ZNRF3: variants seen among roughly 807,000 people sequenced by gnomAD.
ZNRF3 encodes E3 ubiquitin-protein ligase ZNRF3.
ZNRF3 carries 23 observed loss-of-function variants against 72.5 expected under a neutral mutation model. That is an observed-to-expected ratio of 0.32 (90% CI 0.23 to 0.45). The LOEUF (loss-of-function observed/expected upper bound fraction) is 0.45. ZNRF3 is among the 20% of genes least tolerant of loss of function. The pLI is 1.00. For missense variants in ZNRF3, 1,169 were observed against 1,272.1 expected, an observed-to-expected ratio of 0.92 and a Z score of 1.23; for synonymous variants, 610 against 545.3, an observed-to-expected ratio of 1.12 and a Z score of -1.65.
chr22:28,952,495 G>GT (rs11401088), intron 1 of ZNRF3, among the ~76,000 whole-genome samples: 114,926 of 141,848 alleles, frequency 0.81, 47,886 homozygotes, highest in East Asian at 0.94. Flanking sequence ...TCATTTCCAT[G>GT]TTTTTTTTTT....
intron 2 of ZNRF3, among the ~76,000 whole-genome samples, chr22:29,010,164 C>T (rs936180431): frequency 2.0e-5 from 3 of 152,056 alleles, no homozygotes; most frequent in Admixed American, 6.6e-5. Context: ...CCGCCTCGGC[C>T]GCCCAAAGTG....
chr22:28,923,779 G>C (rs2034547961), intron 1 of ZNRF3, among the ~76,000 whole-genome samples: 2 of 152,224 alleles, frequency 1.3e-5, no homozygotes, highest in Admixed American at 1.3e-4. Flanking sequence ...CAAATGTTAA[G>C]CTAGTGATGT....
At position 29,022,125 on chromosome 22, in the gene ZNRF3, C is replaced by T. The variant is rs181810667; in HGVS notation, c.427-20370C>T. Among the ~76,000 whole-genome samples, 266 of 152,304 alleles carry T rather than the reference C, an allele frequency of 1.7e-3. 2 individuals are homozygous for T. Among genetic ancestry groups the T allele is most frequent in the Admixed American group, 0.017 (261 of 15,298 alleles). On this transcript the variant is annotated intron_variant, in intron 2 of 8. Transcript: ENST00000544604. ...CAGTATATACTGCTTATTCTGGCCT[C>T]TTTGACGCAGCATAATTATTTTGAG...
chr22:28,964,487 G>A (rs963035628), intron 1 of ZNRF3, among the ~76,000 whole-genome samples: 1 of 152,212 alleles, frequency 6.6e-6, no homozygotes, highest in Non-Finnish European at 1.5e-5. Context: ...CAACATCCTC[G>A]AGTGTATCCA....
chr22:28,916,087 G>T (rs576037649), intron 1 of ZNRF3, among the ~76,000 whole-genome samples: 10 of 151,982 alleles, frequency 6.6e-5, no homozygotes, highest in African/African-American at 2.4e-4. Flanking sequence ...TTTGAGATGG[G>T]GTCTTGCTCT....
chr22:28,944,958 TA>T lies in ZNRF3; in HGVS notation c.301-42115del, dbSNP rs143101968. Among the ~76,000 whole-genome samples the T allele has an allele frequency of 1.6e-4, 21 of 128,092 alleles. 1 individual carries two copies. Among genetic ancestry groups the T allele is most frequent in the Admixed American group, 4.1e-4 (5 of 12,268 alleles). 84.0% of individuals were successfully genotyped at this position (128,092 alleles called of 152,430 possible). On this transcript the variant is annotated intron_variant, in intron 1 of 8. Coordinates refer to ENST00000544604, the MANE Select transcript of ZNRF3 (RefSeq NM_001206998.2). Reference sequence around the variant, plus strand: ...ATAAATAAATAAATAAATAAATAAATAAATAATAATAATACTCATACTCCTT... The same window carrying T: ...ATAAATAAATAAATAAATAAATAAATAATAATAATAATACTCATACTCCTT...
chr22:28,983,273 G>A (rs746051709), intron 1 of ZNRF3, among the ~76,000 whole-genome samples: 12 of 151,906 alleles, frequency 7.9e-5, no homozygotes, highest in South Asian at 4.2e-4. Flanking sequence ...CTTAGGAGGG[G>A]AGAGAGCCTG....
intron 2 of ZNRF3, among the ~76,000 whole-genome samples, chr22:29,037,162 G>A (rs1256778768): frequency 1.3e-5 from 2 of 152,184 alleles, no homozygotes; most frequent in Non-Finnish European, 2.9e-5. Flanking sequence ...CAGAGGAACA[G>A]GTAAACAGGT....
Position 29,043,379 on chromosome 22 carries a change from C to T in ZNRF3, c.582C>T (p.Ile194=), listed in dbSNP as rs759984908. Residue 194 remains isoleucine (I), a synonymous_variant, in exon 4 of 9, where the codon ATC becomes ATT. Coordinates refer to ENST00000544604, the MANE Select transcript of ZNRF3 (RefSeq NM_001206998.2). The stretch of plus-strand genomic sequence containing the variant: ...CAGATGCCATTAAGCTGATGAACAT[C>T]GTCAACAAGCAGAAAGTGGCTCGAG... ...KGADAIKLMN[I]VNKQKVARAR... 23 of 1,613,814 alleles carry T rather than the reference C, an allele frequency of 1.4e-5. 1 individual carries two copies. The highest frequency in any genetic ancestry group is 1.3e-5 in the African/African-American group (1 of 74,860).
At chr22:28,981,187 C>T (rs537364701) in intron 1 of ZNRF3, among the ~76,000 whole-genome samples, 38 of 152,274 alleles carry the variant, frequency 2.5e-4, no homozygotes, top group Admixed American at 1.7e-3. Flanking sequence ...GTGAATAACA[C>T]GCCTGGTTTT....
intron 1 of ZNRF3, among the ~76,000 whole-genome samples, chr22:28,909,352 G>A (rs1197579392): frequency 6.6e-6 from 1 of 152,124 alleles, no homozygotes; most frequent in Non-Finnish European, 1.5e-5. Flanking sequence ...CAGCTTTTAA[G>A]CATGGACCTC....
At position 28,918,963 on chromosome 22, in the gene ZNRF3, A is replaced by G. The variant is rs541465042; in HGVS notation, c.300+34897A>G. ...TTGAGAAAGTGCAAGACACTTCTCT[A>G]CTGTAAAGCCTGCAGTTGAGCAGAA... On this transcript the variant is annotated intron_variant, in intron 1 of 8. Coordinates refer to ENST00000544604, the MANE Select transcript of ZNRF3 (RefSeq NM_001206998.2). Among the ~76,000 whole-genome samples the G allele has an allele frequency of 2.0e-5, 3 of 152,358 alleles. No individual in the cohort carries two copies. The East Asian group carries it at 5.8e-4, about 29-fold the overall frequency.
At chr22:29,009,183 G>A (rs554099667) in intron 2 of ZNRF3, among the ~76,000 whole-genome samples, 5 of 152,242 alleles carry the variant, frequency 3.3e-5, no homozygotes, top group African/African-American at 1.2e-4. Flanking sequence ...CAGCAGGGAC[G>A]GCTTCACAGA....
chr22:28,980,785 C>G (rs2035750925), intron 1 of ZNRF3, among the ~76,000 whole-genome samples: 1 of 152,204 alleles, frequency 6.6e-6, no homozygotes, highest in South Asian at 2.1e-4. Context: ...TTCAAGCCAT[C>G]CTTCCCCTTA....
chr22:29,039,676 G>A lies in ZNRF3; in HGVS notation c.427-2819G>A, dbSNP rs574722584. On this transcript the variant is annotated intron_variant, in intron 2 of 8. Coordinates refer to ENST00000544604, the MANE Select transcript of ZNRF3 (RefSeq NM_001206998.2). ...AAGAGCTCTATGGATAGCCAGTATGGTGGCTCATGCCTGTGATCTCAGCAC... is the reference window on the plus strand; with the variant it reads ...AAGAGCTCTATGGATAGCCAGTATGATGGCTCATGCCTGTGATCTCAGCAC... Among the ~76,000 whole-genome samples the A allele has an allele frequency of 2.6e-5, 4 of 151,622 alleles. No homozygotes were observed. In the South Asian group the frequency reaches 8.3e-4, roughly 32 times the overall value.
intron 1 of ZNRF3, among the ~76,000 whole-genome samples, chr22:28,967,201 A>AT (rs1390417047): frequency 1.3e-5 from 2 of 152,042 alleles, no homozygotes; most frequent in Non-Finnish European, 2.9e-5. Flanking sequence ...TTTATACCAT[A>AT]TTTTTTACTG....
intron 1 of ZNRF3, among the ~76,000 whole-genome samples, chr22:28,976,136 GA>G (rs1321214743): frequency 6.6e-6 from 1 of 152,070 alleles, no homozygotes; most frequent in African/African-American, 2.4e-5. Flanking sequence ...TTTCCTAAAG[GA>G]ATTGACTTAG....
intron 1 of ZNRF3, among the ~76,000 whole-genome samples, chr22:28,965,661 C>CA (rs2123807988): frequency 6.6e-6 from 1 of 152,286 alleles, no homozygotes; most frequent in South Asian, 2.1e-4. Context: ...AACAACAAGA[C>CA]AGAAGGGCTG....
intron 1 of ZNRF3, among the ~76,000 whole-genome samples, chr22:28,977,725 T>A (rs761901468): frequency 7.9e-5 from 12 of 152,244 alleles, no homozygotes; most frequent in Non-Finnish European, 1.8e-4. Context: ...GTAACCCACT[T>A]AGAAGCAGGC....
Sources: allele counts gnomAD v4.1 joint callset (sites outside exome capture counted in the v4.1 genomes callset), GRCh38; gene constraint gnomAD v4.1.1; transcripts MANE v1.5; gene names NCBI Gene and HGNC (gene_info 2026-07-23, HGNC 2026-07-21).